The following TSACC variants were observed in gnomAD, a reference collection of about 807,000 sequenced individuals.
TSACC encodes TSSK6-activating co-chaperone protein.
Under a neutral mutation model 6.9 loss-of-function variants are expected in TSACC, and 3 were observed. The ratio of observed to expected loss-of-function variants is 0.43; its 90% CI spans 0.20 to 1.12. TSACC has a LOEUF of 1.12. Among genes scored for constraint, TSACC ranks in the 50% most tolerant of loss-of-function variants. The pLI, the probability that TSACC is intolerant of heterozygous loss-of-function variation, is 0.28. For synonymous variants in TSACC, 54 were observed against 55.1 expected (o/e 0.98, Z 0.09); for missense variants, 137 against 143.9 (o/e 0.95, Z 0.24).
chr1:156,338,056 T>A (rs1665527534), upstream of TSACC: 1 of 1,325,828 alleles, frequency 7.5e-7, no homozygotes. Flanking sequence ...GAAGGCTCAG[T>A]GGCCCGGTCA....
Position 156,346,272 on chromosome 1 carries a change from G to GTCACTGCTA in TSACC, c.164-495_164-487dup, listed in dbSNP as rs1470662379. Among the ~76,000 whole-genome samples the GTCACTGCTA allele has an allele frequency of 8.2e-4, 124 of 152,062 alleles. 2 individuals carry two copies. The highest frequency in any genetic ancestry group is 2.9e-5 in the Non-Finnish European group (2 of 67,998). ...AATGGTTGAAGTTAGGGAACTTCAG[G>GTCACTGCTA]TCACTGCTAATGATACACTATGTCA... is the stretch of plus-strand genomic sequence containing the variant. On this transcript the variant is annotated intron_variant, in intron 3 of 3. Coordinates refer to ENST00000368254, the MANE Select transcript of TSACC (RefSeq NM_001304817.2).
intron 1 of TSACC, 88 bp from the exon 2 acceptor site, chr1:156,339,546 C>T (rs1665699591): frequency 2.0e-6 from 1 of 499,348 alleles, no homozygotes; most frequent in Admixed American, 3.6e-5. Context: ...GTTTTCCAAA[C>T]TAGTGAAGGG....
At chr1:156,338,049 G>T, upstream of TSACC, 1 of 1,230,640 alleles carries the variant, frequency 8.1e-7, no homozygotes, top group Non-Finnish European at 1.2e-6. Context: ...ATGATTGGAA[G>T]GCTCAGTGGC....
At chr1:156,344,222 C>T (rs1181667484) in intron 2 of TSACC, among the ~76,000 whole-genome samples, 1 of 152,110 alleles carries the variant, frequency 6.6e-6, no homozygotes, top group Admixed American at 6.6e-5. Flanking sequence ...TTGTTTATGT[C>T]CTCATGTTGT....
intron 2 of TSACC, among the ~76,000 whole-genome samples, chr1:156,341,059 C>G (rs187897838): frequency 5.8e-4 from 88 of 152,200 alleles, no homozygotes; most frequent in African/African-American, 1.4e-3. Flanking sequence ...TCAAGTGATC[C>G]GCCCACTCTG....
chr1:156,339,858 T>C (rs368397403), intron 2 of TSACC, 67 bp downstream of exon 2: 2 of 1,559,426 alleles, frequency 1.3e-6, no homozygotes, highest in African/African-American at 2.7e-5. Flanking sequence ...CCCCACTAAA[T>C]GGGAGCATTG....
At chr1:156,345,630 G>A (rs1165249457) in intron 3 of TSACC, among the ~76,000 whole-genome samples, 1 of 151,958 alleles carries the variant, frequency 6.6e-6, no homozygotes, top group Non-Finnish European at 1.5e-5. Flanking sequence ...CACTTTGGGA[G>A]GCCAAAGCGG....
rs1460444578 is a variant in TSACC, at chr1:156,339,362, G to C, written c.-124-272G>C. ...CTGAGTCTTAGTTAGAGATGATGGG[G>C]AGCCAGAGTTTTAAAATTACCATTC... On this transcript the variant is annotated intron_variant, in intron 1 of 3. Transcript: ENST00000368254. 2.6e-5 allele frequency among the ~76,000 whole-genome samples: 4 copies of C among 152,128 alleles called. No homozygotes were observed. In the East Asian group the frequency reaches 5.8e-4, roughly 22 times the overall value.
At chr1:156,341,139 C>T (rs1665862199) in intron 2 of TSACC, among the ~76,000 whole-genome samples, 1 of 152,160 alleles carries the variant, frequency 6.6e-6, no homozygotes, top group South Asian at 2.1e-4. Context: ...ATTTAATGCT[C>T]ACGATTCTAC....
intron 1 of TSACC, 24 bp from the exon 2 acceptor site, chr1:156,339,610 A>G: frequency 1.1e-6 from 1 of 900,800 alleles, no homozygotes; most frequent in Non-Finnish European, 1.7e-6. Flanking sequence ...CATGAAATAG[A>G]GTTTCCTACT....
At chr1:156,338,275 T>G (rs1280981081), upstream of TSACC, 3 of 1,356,486 alleles carry the variant, frequency 2.2e-6, no homozygotes, top group African/African-American at 1.4e-5. Flanking sequence ...CAGAAAACGC[T>G]GCCTCCTCAG....
chr1:156,346,629 C>T, intron 3 of TSACC, 139 bp from the exon 4 acceptor site: 1 of 762,602 alleles, frequency 1.3e-6, no homozygotes, highest in East Asian at 2.5e-5. Context: ...GAGGTGACAG[C>T]TGGGCAAAGG....
chr1:156,344,831 C>A (rs1241134313), intron 3 of TSACC, 123 bp downstream of exon 3: 3 of 1,216,064 alleles, frequency 2.5e-6, no homozygotes, highest in Admixed American at 4.8e-5. Context: ...ATAGATCTTT[C>A]CGTGATAGCT....
upstream of TSACC, chr1:156,338,258 A>G (rs978716093): frequency 6.7e-7 from 1 of 1,500,858 alleles, no homozygotes; most frequent in African/African-American, 1.4e-5. Flanking sequence ...AGAACCAGAC[A>G]GAAGCCCAGA....
chr1:156,341,174 C>T lies in TSACC; in HGVS notation c.34+1383C>T, dbSNP rs149607303. On this transcript the variant is annotated intron_variant, in intron 2 of 3. Coordinates refer to ENST00000368254, the MANE Select transcript of TSACC (RefSeq NM_001304817.2). ...CTAGAAAATACTATTAACCCCACAA[C>T]AGATCGAAACATTTAAATTAACTGC... Among the ~76,000 whole-genome samples the T allele has an allele frequency of 8.2e-3, 1,245 of 152,324 alleles. 21 individuals carry two copies. The highest frequency in any genetic ancestry group is 0.028 in the African/African-American group (1,150 of 41,556).
At chr1:156,343,867 A>G (rs1666026958) in intron 2 of TSACC, among the ~76,000 whole-genome samples, 1 of 151,918 alleles carries the variant, frequency 6.6e-6, no homozygotes, top group Non-Finnish European at 1.5e-5. Context: ...CAGCCTCCCA[A>G]GTAGCTGGGA....
At chr1:156,345,647 T>G (rs1666127453) in intron 3 of TSACC, among the ~76,000 whole-genome samples, 1 of 151,436 alleles carries the variant, frequency 6.6e-6, no homozygotes, top group African/African-American at 2.4e-5. Flanking sequence ...GCGGGCGGAT[T>G]ACCTGAGGTC....
At position 156,338,538 on chromosome 1, in the gene TSACC, C is replaced by G. The variant is rs912296358; in HGVS notation, c.-192C>G. 4 of 451,386 alleles carry G rather than the reference C, an allele frequency of 8.9e-6. No individual in the cohort carries two copies. The highest frequency in any genetic ancestry group is 1.2e-5 in the Non-Finnish European group (3 of 247,246). The allele number at this position is 451,386 out of a possible 1,614,324, so 28.0% of individuals were successfully genotyped here. A position where few individuals can be genotyped will look rare whatever the true frequency, so the allele number is the denominator to read the frequency against. On this transcript the variant is annotated 5_prime_UTR_variant, in exon 1 of 4. Coordinates refer to ENST00000368254, the MANE Select transcript of TSACC (RefSeq NM_001304817.2). ...CCAAGGCTCTGGCAGTTGGCCAGCA[C>G]ACCACTACGCATGTGTGTCAACTCT...
rs1332940024 is a variant in TSACC, at chr1:156,344,970, T to C, written c.163+262T>C. The stretch of plus-strand genomic sequence containing the variant: ...TGAACCTCTCATTGCTTACTGGTAA[T>C]GTTAGTTAAAAGATGGCCAGGTTTA... On this transcript the variant is annotated intron_variant, in intron 3 of 3. Coordinates refer to ENST00000368254, the MANE Select transcript of TSACC (RefSeq NM_001304817.2). Among the ~76,000 whole-genome samples the C allele has an allele frequency of 2.6e-5, 4 of 152,212 alleles. No individual in the cohort carries two copies. The East Asian group carries it at 5.8e-4, about 22-fold the overall frequency.
Sources: allele counts gnomAD v4.1 joint callset (sites outside exome capture counted in the v4.1 genomes callset), GRCh38; gene constraint gnomAD v4.1.1; transcripts MANE v1.5; gene names NCBI Gene and HGNC (gene_info 2026-07-23, HGNC 2026-07-21).